Variants in RSRC1 observed in about 807,000 individuals in gnomAD.
RSRC1 encodes the protein serine/Arginine-related protein 53.
Under a neutral mutation model 49.1 loss-of-function variants are expected in RSRC1, and 39 were observed. The observed-to-expected ratio is 0.79, with a 90% CI of 0.61 to 1.04. RSRC1 has a LOEUF of 1.04. Ranked by LOEUF, RSRC1 falls within the 50% of genes least tolerant of loss-of-function variation. The probability of loss-of-function intolerance (pLI) is 0.00; values close to 1 mark genes in which losing one functional copy is unlikely to be tolerated. For missense variants in RSRC1, 388 were observed against 402.4 expected, an observed-to-expected ratio of 0.96 and a Z score of 0.31; for synonymous variants, 143 against 130.8, an observed-to-expected ratio of 1.09 and a Z score of -0.63.
At chr3:158,361,435 G>T (rs1252484219) in intron 6 of RSRC1, among the ~76,000 whole-genome samples, 1 of 152,100 alleles carries the variant, frequency 6.6e-6, no homozygotes, top group Non-Finnish European at 1.5e-5. Flanking sequence ...TAGGAGGGTG[G>T]AGGCAGCACA....
chr3:158,240,635 C>G (rs1427884370), intron 4 of RSRC1, among the ~76,000 whole-genome samples: 1 of 152,066 alleles, frequency 6.6e-6, no homozygotes, highest in Admixed American at 6.6e-5. Flanking sequence ...TTCTCCTTAT[C>G]TGTGGTTTTG....
At chr3:158,156,580 T>G (rs1218101226) in intron 3 of RSRC1, among the ~76,000 whole-genome samples, 2 of 152,222 alleles carry the variant, frequency 1.3e-5, no homozygotes, top group Non-Finnish European at 2.9e-5. Context: ...TAGCTTTTGA[T>G]TTAAAGTGAG....
intron 6 of RSRC1, among the ~76,000 whole-genome samples, chr3:158,460,222 G>A (rs1344425689): frequency 6.6e-6 from 1 of 151,874 alleles, no homozygotes; most frequent in African/African-American, 2.4e-5. Flanking sequence ...CAATAAAGGA[G>A]AATCGCTCCT....
chr3:158,236,212 T>C (rs1723242191), intron 4 of RSRC1, among the ~76,000 whole-genome samples: 2 of 152,156 alleles, frequency 1.3e-5, no homozygotes, highest in Admixed American at 6.6e-5. Context: ...TTTGTTAATA[T>C]AATTAATTGT....
At chr3:158,458,432 A>G (rs1737454742) in intron 6 of RSRC1, among the ~76,000 whole-genome samples, 2 of 152,152 alleles carry the variant, frequency 1.3e-5, no homozygotes, top group Admixed American at 1.3e-4. Flanking sequence ...AAAATGGCAA[A>G]AACCGCAATT....
rs577990477 is a variant in RSRC1, at chr3:158,368,881, A to G, written c.583+13973A>G. Among the ~76,000 whole-genome samples, 5 of 152,274 alleles carry G rather than the reference A, an allele frequency of 3.3e-5. No homozygotes were observed. In the South Asian group the frequency reaches 1.0e-3, roughly 32 times the overall value. On this transcript the variant is annotated intron_variant, in intron 6 of 9. Transcript: ENST00000611884. ...TAGGTCTGTTTTTTTGGATAAGAGT[A>G]AAATAACATTATGTAAATAAATTTA... is the stretch of plus-strand genomic sequence containing the variant.
chr3:158,144,803 C>G (rs1716977862), intron 3 of RSRC1, among the ~76,000 whole-genome samples: 2 of 152,258 alleles, frequency 1.3e-5, no homozygotes, highest in East Asian at 3.9e-4. Flanking sequence ...CCTGTTGTTT[C>G]CTGACTTTCT....
intron 4 of RSRC1, among the ~76,000 whole-genome samples, chr3:158,241,115 A>G (rs1723548829): frequency 6.6e-6 from 1 of 152,178 alleles, no homozygotes; most frequent in Non-Finnish European, 1.5e-5. Context: ...ATGGTATAGA[A>G]CACCCTATTT....
chr3:158,387,487 A>C (rs1189747002), intron 6 of RSRC1, among the ~76,000 whole-genome samples: 1 of 152,192 alleles, frequency 6.6e-6, no homozygotes, highest in Non-Finnish European at 1.5e-5. Flanking sequence ...AAATAAAAAA[A>C]TTAAGTCAAC....
intron 6 of RSRC1, among the ~76,000 whole-genome samples, chr3:158,405,608 C>G (rs1734123936): frequency 6.6e-6 from 1 of 152,084 alleles, no homozygotes; most frequent in Non-Finnish European, 1.5e-5. Context: ...AAGGCTTTTA[C>G]ATGGAAACAA....
At chr3:158,306,583 T>C (rs1274293339) in intron 5 of RSRC1, among the ~76,000 whole-genome samples, 1 of 151,918 alleles carries the variant, frequency 6.6e-6, no homozygotes, top group African/African-American at 2.4e-5. Flanking sequence ...TTATAATCAA[T>C]ACAGGAAAGA....
In RSRC1 at chr3:158,193,024, T is replaced by C. The variant is rs572022970; in HGVS notation, c.321-10048T>C. Among the ~76,000 whole-genome samples, 9 of 152,254 alleles carry C rather than the reference T, an allele frequency of 5.9e-5. No homozygotes were observed. The South Asian group carries it at 1.9e-3, about 32-fold the overall frequency. ...TTCAGATTTTACAAATTCACTCAAATTAGTACTTCCCTCAGTTAACTTCTT... is the reference window on the plus strand; with the variant it reads ...TTCAGATTTTACAAATTCACTCAAACTAGTACTTCCCTCAGTTAACTTCTT... On this transcript the variant is annotated intron_variant, in intron 3 of 9. Transcript: ENST00000611884.
chr3:158,414,786 A>G (rs1734655052), intron 6 of RSRC1, among the ~76,000 whole-genome samples: 1 of 152,018 alleles, frequency 6.6e-6, no homozygotes, highest in South Asian at 2.1e-4. Flanking sequence ...ATATAGAAAC[A>G]CTCTTACAAT....
chr3:158,232,724 C>T (rs1723036689), intron 4 of RSRC1, among the ~76,000 whole-genome samples: 1 of 151,986 alleles, frequency 6.6e-6, no homozygotes, highest in Non-Finnish European at 1.5e-5. Context: ...ATCTTGCCCT[C>T]CTCAGAGAGA....
At chr3:158,236,334 G>A (rs922231341) in intron 4 of RSRC1, among the ~76,000 whole-genome samples, 3 of 152,086 alleles carry the variant, frequency 2.0e-5, no homozygotes, top group Admixed American at 6.6e-5. Context: ...ATAAAGGTAC[G>A]TCTTTATTGA....
chr3:158,237,358 C>T (rs898150921), intron 4 of RSRC1, among the ~76,000 whole-genome samples: 2 of 152,138 alleles, frequency 1.3e-5, no homozygotes, highest in Admixed American at 6.6e-5. Context: ...AAATACCTAG[C>T]AGTGGAATGG....
intron 5 of RSRC1, among the ~76,000 whole-genome samples, chr3:158,319,391 G>A (rs987919734): frequency 2.6e-5 from 4 of 152,084 alleles, no homozygotes; most frequent in Non-Finnish European, 2.9e-5. Context: ...CCAGCCATGC[G>A]GAACTGTGAG....
chr3:158,500,557 C>T (rs1578550306), intron 7 of RSRC1, among the ~76,000 whole-genome samples: 1 of 152,054 alleles, frequency 6.6e-6, no homozygotes, highest in East Asian at 1.9e-4. Context: ...TTGGTCTGTT[C>T]AGGATATCTA....
At chr3:158,194,634 C>T (rs926971647) in intron 3 of RSRC1, among the ~76,000 whole-genome samples, 1 of 147,596 alleles carries the variant, frequency 6.8e-6, no homozygotes, top group Non-Finnish European at 1.5e-5. Flanking sequence ...TATCCTAATG[C>T]TATCCCTCCC....
Sources: gnomAD v4.1 joint callset for allele counts (sites outside exome capture counted in the v4.1 genomes callset) on GRCh38, gnomAD v4.1.1 for gene constraint, MANE v1.5 for transcripts, NCBI Gene and HGNC (gene_info 2026-07-23, HGNC 2026-07-21) for gene names.